Variants in ATCAY observed in about 807,000 individuals in gnomAD.
The protein encoded by ATCAY is caytaxin.
Under a neutral mutation model 47.7 loss-of-function variants are expected in ATCAY, and 22 were observed. The observed-to-expected ratio is 0.46, with a 90% confidence interval of 0.33 to 0.66. ATCAY has a LOEUF of 0.66. Ranked by LOEUF, ATCAY falls within the 30% of genes least tolerant of loss-of-function variation. ATCAY has a pLI of 0.02. For missense variants in ATCAY, 452 were observed against 515.0 expected, an observed-to-expected ratio of 0.88 and a Z score of 1.18; for synonymous variants, 216 against 207.6, an observed-to-expected ratio of 1.04 and a Z score of -0.35.
chr19:3,885,901 G>A, intron 2 of ATCAY, 57 bp downstream of exon 2: 1 of 1,530,398 alleles, frequency 6.5e-7, no homozygotes. Flanking sequence ...TCTCCCAGGT[G>A]GGACACAGGA....
intron 9 of ATCAY, among the ~76,000 whole-genome samples, chr19:3,914,689 T>TTAAAAAAACAAAAAAACAAAAAACTTA: frequency 6.6e-6 from 1 of 151,616 alleles, no homozygotes; most frequent in African/African-American, 2.4e-5. Flanking sequence ...GGTGTGGTGG[T>TTAAAAAAACAAAAAAACAAAAAACTTA]GCATGCCTGT....
intron 2 of ATCAY, among the ~76,000 whole-genome samples, chr19:3,888,057 G>C (rs1251248061): frequency 6.6e-5 from 10 of 151,576 alleles, no homozygotes; most frequent in Non-Finnish European, 1.5e-4. Context: ...AGAGGTTGCA[G>C]TGAGCCGAGA....
rs1361481194 is a variant in ATCAY at position 3,908,258 on chromosome 19, C to G, written c.545-10C>G. On this transcript the variant is annotated splice_polypyrimidine_tract_variant and intron_variant, in intron 5 of 12. Transcript: ENST00000450849. ...GACTCTGACGTTGCCGATCGGCTGC[C>G]TCTCCTCAGGGTACTACGGCGAAGG... The G allele has an allele frequency of 6.4e-7, 1 of 1,566,996 alleles. No individual in the cohort carries two copies. The highest frequency in any genetic ancestry group is 1.2e-5 in the South Asian group (1 of 85,230).
chr19:3,911,939 G>A (rs974032026), intron 8 of ATCAY, among the ~76,000 whole-genome samples: 6 of 152,122 alleles, frequency 3.9e-5, no homozygotes, highest in African/African-American at 1.4e-4. Context: ...GCATATTAGC[G>A]AAATGAGATG....
chr19:3,897,495 G>A (rs1360903872), intron 2 of ATCAY, among the ~76,000 whole-genome samples: 3 of 150,672 alleles, frequency 2.0e-5, no homozygotes, highest in Non-Finnish European at 3.0e-5. Flanking sequence ...GAGTCTCGCT[G>A]TGTTGCCCAG....
At chr19:3,897,790 C>T (rs1054128842) in intron 2 of ATCAY, among the ~76,000 whole-genome samples, 2 of 152,028 alleles carry the variant, frequency 1.3e-5, no homozygotes, top group African/African-American at 4.8e-5. Flanking sequence ...CGCCTATAAT[C>T]ACAGCTACTC....
Position 3,918,560 on chromosome 19 carries a change from A to AAT in ATCAY, c.1002-245_1002-244insTA, listed in dbSNP as rs375046855. Among the ~76,000 whole-genome samples the AAT allele has an allele frequency of 5.0e-3, 761 of 151,466 alleles. 6 individuals are homozygous for AAT. Among genetic ancestry groups the AAT allele is most frequent in the African/African-American group, 0.016 (661 of 41,222 alleles). On this transcript the variant is annotated intron_variant, in intron 10 of 12. Transcript: ENST00000450849. ...ACAGAGCAAGATCCTGTCTCAAAAAAAAAAACAAAAAAAAACAGCCTTTAT... is the reference window on the plus strand; with the variant it reads ...ACAGAGCAAGATCCTGTCTCAAAAAAATAAAAACAAAAAAAAACAGCCTTTAT...
At chr19:3,881,707 G>A (rs2038601241) in intron 1 of ATCAY, among the ~76,000 whole-genome samples, 1 of 150,590 alleles carries the variant, frequency 6.6e-6, no homozygotes, top group African/African-American at 2.4e-5. Context: ...GGTGGGGGTC[G>A]GGGGCGGGGC....
intron 4 of ATCAY, among the ~76,000 whole-genome samples, chr19:3,906,183 A>AG (rs2038859044): frequency 4.9e-5 from 7 of 144,250 alleles, no homozygotes; most frequent in South Asian, 2.1e-4. Context: ...AAAAAAAAAA[A>AG]AAGAGAGAGA....
intron 2 of ATCAY, among the ~76,000 whole-genome samples, chr19:3,900,177 C>CT (rs1007598549): frequency 6.7e-5 from 10 of 148,920 alleles, no homozygotes; most frequent in Admixed American, 1.4e-4. Flanking sequence ...CTAATGTCCT[C>CT]TTTTTTTTTC....
chr19:3,899,846 A>G (rs1445103747), intron 2 of ATCAY, among the ~76,000 whole-genome samples: 3 of 152,140 alleles, frequency 2.0e-5, no homozygotes, highest in African/African-American at 7.2e-5. Context: ...CTCCTGGGTC[A>G]AACTCGGGCA....
rs1373541590 is a variant in ATCAY, at chr19:3,926,190, C to T, written c.*1598C>T. On this transcript the variant is annotated 3_prime_UTR_variant, in exon 13 of 13. Coordinates refer to ENST00000450849, the MANE Select transcript of ATCAY (RefSeq NM_033064.5). ...GCATGGTGGTGCATGCCTGTAATCC[C>T]AGCTACTCGGGAGGCTGAGGCAGGA... is the stretch of plus-strand genomic sequence containing the variant. The T allele has an allele frequency of 6.6e-6, 1 of 151,994 alleles. No individual in the cohort carries two copies. Among genetic ancestry groups the T allele is most frequent in the Non-Finnish European group, 1.5e-5 (1 of 68,090 alleles). 9.4% of individuals were successfully genotyped at this position (151,994 alleles called of 1,614,324 possible). A position where few individuals can be genotyped will look rare whatever the true frequency, so the allele number is the denominator to read the frequency against.
At chr19:3,898,889 C>G (rs1357386051) in intron 2 of ATCAY, among the ~76,000 whole-genome samples, 1 of 152,178 alleles carries the variant, frequency 6.6e-6, no homozygotes, top group East Asian at 1.9e-4. Flanking sequence ...ATCGTGTTGG[C>G]CAGGATGGTC....
At chr19:3,906,544 A>C (rs75018752) in intron 4 of ATCAY, among the ~76,000 whole-genome samples, 11,643 of 151,786 alleles carry the variant, frequency 0.077, 759 homozygotes, top group African/African-American at 0.17. Flanking sequence ...TTCAAGTGAT[A>C]CACCCACCTC....
chr19:3,924,464 C>T, intron 12 of ATCAY, 119 bp from the exon 13 acceptor site: 5 of 1,232,998 alleles, frequency 4.1e-6, no homozygotes, highest in Admixed American at 1.9e-5. Flanking sequence ...GCCACTCTTG[C>T]TGCTGGGAGT....
chr19:3,893,553 T>G (rs539044891), intron 2 of ATCAY: 1 of 152,214 alleles, frequency 6.6e-6, no homozygotes, highest in South Asian at 2.1e-4. Context: ...AGTGGATATA[T>G]TATACCCCAG....
chr19:3,884,503 C>G (rs1210793023), intron 1 of ATCAY, among the ~76,000 whole-genome samples: 1 of 152,070 alleles, frequency 6.6e-6, no homozygotes, highest in African/African-American at 2.4e-5. Flanking sequence ...TTGAACTTGG[C>G]ATTCCCAGCA....
At chr19:3,905,336 T>G in intron 3 of ATCAY, 98 bp from the exon 4 acceptor site, 1 of 1,245,906 alleles carries the variant, frequency 8.0e-7, no homozygotes, top group Non-Finnish European at 1.1e-6. Flanking sequence ...TCTCTTCCCA[T>G]TCCTGCATGA....
intron 6 of ATCAY, 119 bp from the exon 7 acceptor site, chr19:3,909,366 TG>T: frequency 1.7e-6 from 2 of 1,193,300 alleles, no homozygotes; most frequent in Non-Finnish European, 1.2e-6. Context: ...AGACAACACC[TG>T]GACCAGTGGG....
Sources: gnomAD v4.1 joint callset for allele counts (sites outside exome capture counted in the v4.1 genomes callset) on GRCh38, gnomAD v4.1.1 for gene constraint, MANE v1.5 for transcripts, NCBI Gene and HGNC (gene_info 2026-07-23, HGNC 2026-07-21) for gene names.